ENOX1: variants seen among roughly 807,000 people sequenced by gnomAD.
ENOX1 encodes candidate growth-related and time keeping constitutive hydroquinone (NADH) oxidase.
In ENOX1, 42 loss-of-function variants were observed where a neutral mutation model predicts 82.5. That is an observed-to-expected ratio of 0.51 (90% CI 0.40 to 0.66). The LOEUF (loss-of-function observed/expected upper bound fraction) is 0.66. Among genes scored for constraint, ENOX1 ranks in the 30% least tolerant of loss-of-function variants. The probability of loss-of-function intolerance (pLI) is 0.00; values close to 1 mark genes in which losing one functional copy is unlikely to be tolerated. For synonymous variants in ENOX1, 271 were observed against 282.2 expected (o/e 0.96, Z 0.40); for missense variants, 608 against 811.6 (o/e 0.75, Z 3.05).
At chr13:43,656,464 G>A (rs1013614996) in intron 2 of ENOX1, among the ~76,000 whole-genome samples, 1 of 152,134 alleles carries the variant, frequency 6.6e-6, no homozygotes. Flanking sequence ...ATCAAGACAT[G>A]TCACAGGCTT....
intron 9 of ENOX1, among the ~76,000 whole-genome samples, chr13:43,331,866 T>C (rs1456518650): frequency 6.6e-6 from 1 of 152,128 alleles, no homozygotes; most frequent in African/African-American, 2.4e-5. Context: ...CTCCTGCACA[T>C]TCACTCGGGT....
chr13:43,440,687 G>T (rs989582266), intron 3 of ENOX1, among the ~76,000 whole-genome samples: 1 of 152,046 alleles, frequency 6.6e-6, no homozygotes, highest in Non-Finnish European at 1.5e-5. Context: ...AAACTAGAAT[G>T]CTATAAAAAG....
At chr13:43,780,934 A>C (rs886492048) in intron 1 of ENOX1, among the ~76,000 whole-genome samples, 2 of 152,184 alleles carry the variant, frequency 1.3e-5, no homozygotes, top group African/African-American at 4.8e-5. Context: ...AGTCTGGATA[A>C]TTACATTGGG....
chr13:43,216,711 AG>A (rs2041507246), intron 16 of ENOX1, among the ~76,000 whole-genome samples: 1 of 152,210 alleles, frequency 6.6e-6, no homozygotes, highest in Non-Finnish European at 1.5e-5. Flanking sequence ...CCAGCCCACC[AG>A]CACCTTGTTT....
At chr13:43,258,897 G>T (rs1190870176) in intron 14 of ENOX1, among the ~76,000 whole-genome samples, 1 of 152,170 alleles carries the variant, frequency 6.6e-6, no homozygotes, top group African/African-American at 2.4e-5. Flanking sequence ...CTGACCTACA[G>T]GCAGAGAATG....
intron 1 of ENOX1, among the ~76,000 whole-genome samples, chr13:43,682,832 G>A (rs1425731902): frequency 6.6e-6 from 1 of 152,082 alleles, no homozygotes; most frequent in Non-Finnish European, 1.5e-5. Context: ...TAGATTTAAG[G>A]TGCTTTCAAA....
chr13:43,597,294 A>G (rs1478038175), intron 2 of ENOX1, among the ~76,000 whole-genome samples: 2 of 152,188 alleles, frequency 1.3e-5, no homozygotes, highest in African/African-American at 4.8e-5. Context: ...GCAGAGCCAA[A>G]TGATATCATG....
intron 2 of ENOX1, among the ~76,000 whole-genome samples, chr13:43,502,299 G>C (rs1041506021): frequency 4.0e-5 from 6 of 151,536 alleles, no homozygotes; most frequent in Admixed American, 2.0e-4. Flanking sequence ...AACATTTAAA[G>C]AATGAATGCC....
At chr13:43,406,492 C>CTT (rs58818536) in intron 5 of ENOX1, among the ~76,000 whole-genome samples, 1 of 114,048 alleles carries the variant, frequency 8.8e-6, no homozygotes. Flanking sequence ...AGTATGTTGT[C>CTT]TTTTTTTTTT....
chr13:43,385,968 C>T (rs1003298507), intron 5 of ENOX1, among the ~76,000 whole-genome samples: 8 of 152,112 alleles, frequency 5.3e-5, no homozygotes, highest in Admixed American at 1.3e-4. Flanking sequence ...GAGTTTGAGA[C>T]GAGCCTGGCC....
At chr13:43,412,731 T>G in intron 4 of ENOX1, 114 bp downstream of exon 4, 1 of 1,207,794 alleles carries the variant, frequency 8.3e-7, no homozygotes, top group Non-Finnish European at 1.1e-6. Flanking sequence ...CAGACTGATT[T>G]CTTTATGGGC....
intron 1 of ENOX1, among the ~76,000 whole-genome samples, chr13:43,748,417 A>G (rs1335996931): frequency 6.6e-6 from 1 of 152,222 alleles, no homozygotes; most frequent in Non-Finnish European, 1.5e-5. Context: ...ATATGTAGGA[A>G]TTATTTACAT....
intron 4 of ENOX1, among the ~76,000 whole-genome samples, chr13:43,412,563 A>T (rs1293920223): frequency 6.6e-6 from 1 of 152,250 alleles, no homozygotes; most frequent in Admixed American, 6.5e-5. Context: ...TATTACACTA[A>T]GAAAATACAG....
intron 11 of ENOX1, among the ~76,000 whole-genome samples, chr13:43,317,556 A>ATT (rs140067416): frequency 8.2e-4 from 122 of 149,262 alleles, no homozygotes; most frequent in African/African-American, 2.9e-3. Context: ...TTTATTACTT[A>ATT]TTTTTTTTTT....
rs767395484 is a variant in ENOX1 at position 43,521,821 on chromosome 13, C to T, written c.-218-37669G>A. On this transcript the variant is annotated intron_variant, in intron 2 of 16. Transcript: ENST00000690772. ...AAGGCTTCATTCAGTGCTCAGTGGA[C>T]GGTGTAGGCTCAGTACATGCTTTTT... Among the ~76,000 whole-genome samples, 116 of 152,144 alleles carry T rather than the reference C, an allele frequency of 7.6e-4. 1 individual carries two copies. Among genetic ancestry groups the T allele is most frequent in the Middle Eastern group, 3.4e-3 (1 of 294 alleles).
chr13:43,295,073 G>A (rs948083113), intron 12 of ENOX1, among the ~76,000 whole-genome samples: 1 of 152,154 alleles, frequency 6.6e-6, no homozygotes, highest in Non-Finnish European at 1.5e-5. Context: ...TTCATAGAAG[G>A]TATGTCTAAA....
intron 3 of ENOX1, among the ~76,000 whole-genome samples, chr13:43,420,421 AGGAC>A (rs1200380649): frequency 3.9e-5 from 6 of 152,224 alleles, no homozygotes; most frequent in Admixed American, 2.0e-4. Flanking sequence ...AGCAGTTCAA[AGGAC>A]ATTCTCTGAT....
intron 5 of ENOX1, among the ~76,000 whole-genome samples, chr13:43,378,327 T>C (rs543522388): frequency 6.6e-6 from 1 of 152,238 alleles, no homozygotes; most frequent in South Asian, 2.1e-4. Context: ...AGCTTAGAGT[T>C]CATAGGGTAA....
chr13:43,735,594 G>A (rs1169828821), intron 1 of ENOX1, among the ~76,000 whole-genome samples: 1 of 152,036 alleles, frequency 6.6e-6, no homozygotes, highest in African/African-American at 2.4e-5. Context: ...GGCAGCGTGC[G>A]CCTGTAGTCC....
Sources: gnomAD v4.1 joint callset for allele counts (sites outside exome capture counted in the v4.1 genomes callset) on GRCh38, gnomAD v4.1.1 for gene constraint, MANE v1.5 for transcripts, NCBI Gene and HGNC (gene_info 2026-07-23, HGNC 2026-07-21) for gene names.